UTRN: variants seen among roughly 807,000 people sequenced by gnomAD.
UTRN encodes the protein dystrophin-related protein 1.
In UTRN, 283 loss-of-function variants were observed where a neutral mutation model predicts 463.9. The observed-to-expected ratio is 0.61, with a 90% CI of 0.55 to 0.67. The LOEUF (loss-of-function observed/expected upper bound fraction) is 0.67, where lower values mean the gene tolerates loss of function less well. Among genes scored for constraint, UTRN ranks in the 30% least tolerant of loss-of-function variants. The pLI is 0.00. For synonymous variants in UTRN, 1,442 were observed against 1,431.5 expected (o/e 1.01, Z -0.17); for missense variants, 3,922 against 4,084.3 (o/e 0.96, Z 1.08).
At chr6:144,778,597 G>A (rs566276242) in intron 60 of UTRN, among the ~76,000 whole-genome samples, 38 of 150,030 alleles carry the variant, frequency 2.5e-4, no homozygotes, top group African/African-American at 9.4e-4. Context: ...GAGAAGATAG[G>A]GGAAATGCTA....
chr6:144,330,803 A>G, intron 2 of UTRN: 2 of 985,146 alleles, frequency 2.0e-6, no homozygotes, highest in Non-Finnish European at 2.4e-6. Flanking sequence ...GGAGGAACTC[A>G]TCTATCCACG....
At chr6:144,700,377 G>C in intron 53 of UTRN, 134 bp downstream of exon 53, 1 of 1,005,470 alleles carries the variant, frequency 9.9e-7, no homozygotes, top group Non-Finnish European at 1.4e-6. Flanking sequence ...TCTGCTTTTA[G>C]TTGCCAGTAG....
chr6:144,716,251 T>C (rs1786436799), intron 53 of UTRN, among the ~76,000 whole-genome samples: 3 of 151,418 alleles, frequency 2.0e-5, no homozygotes, highest in African/African-American at 7.3e-5. Context: ...TTTTTTTTTT[T>C]AGCTGTATGT....
intron 2 of UTRN, among the ~76,000 whole-genome samples, chr6:144,349,347 T>A (rs1027985286): frequency 1.3e-5 from 2 of 152,124 alleles, no homozygotes; most frequent in Non-Finnish European, 2.9e-5. Context: ...GCCCTCAAGA[T>A]CTGGGTTTCC....
In UTRN at chr6:144,445,351, C is replaced by CAAAAA. The variant is rs11419379; in HGVS notation, c.1614+983_1614+987dup. On this transcript the variant is annotated intron_variant, in intron 14 of 74. Coordinates refer to ENST00000367545, the MANE Select transcript of UTRN (RefSeq NM_007124.3). ...GGGAGACAAGAGCGAGACTCCCTCTCAAAAAAAAAAAAAAAAAAGCAAATA... is the reference window on the plus strand; with the variant it reads ...GGGAGACAAGAGCGAGACTCCCTCTCAAAAAAAAAAAAAAAAAAAAAAAGCAAATA... 1.7e-4 allele frequency among the ~76,000 whole-genome samples: 18 copies of CAAAAA among 106,490 alleles called. 1 individual carries two copies. The highest frequency in any genetic ancestry group is 5.0e-3 in the Middle Eastern group (1 of 200). The allele number at this position is 106,490 out of a possible 152,430, so 69.9% of individuals were successfully genotyped here.
intron 51 of UTRN, among the ~76,000 whole-genome samples, chr6:144,621,739 G>C (rs1775401921): frequency 6.6e-6 from 1 of 152,080 alleles, no homozygotes; most frequent in South Asian, 2.1e-4. Flanking sequence ...CTTTTACCTT[G>C]CATATGAGAC....
At chr6:144,513,830 G>A (rs1585077975) in intron 35 of UTRN, 79 bp from the exon 36 acceptor site, 2 of 1,497,258 alleles carry the variant, frequency 1.3e-6, no homozygotes, top group East Asian at 4.8e-5. Flanking sequence ...GCTCTTTGAA[G>A]GTCTTTTAAA....
intron 52 of UTRN, among the ~76,000 whole-genome samples, chr6:144,690,902 C>A (rs2128692277): frequency 6.6e-6 from 1 of 152,290 alleles, no homozygotes; most frequent in South Asian, 2.1e-4. Context: ...ATATACACTG[C>A]AGCCTGCTGC....
intron 71 of UTRN, chr6:144,838,946 A>G: frequency 2.3e-6 from 1 of 429,888 alleles, no homozygotes; most frequent in Non-Finnish European, 4.1e-6. Context: ...GTGTTGATAA[A>G]TGAGTCTGGC....
At chr6:144,758,999 C>A (rs1431431252) in intron 58 of UTRN, among the ~76,000 whole-genome samples, 2 of 152,036 alleles carry the variant, frequency 1.3e-5, no homozygotes, top group Non-Finnish European at 2.9e-5. Context: ...AGTATACTTC[C>A]TGAAAACGTT....
intron 51 of UTRN, among the ~76,000 whole-genome samples, chr6:144,599,214 G>GATTT: frequency 6.6e-6 from 1 of 152,168 alleles, no homozygotes; most frequent in East Asian, 1.9e-4. Context: ...ATATATACCT[G>GATTT]ATTTAGTACA....
chr6:144,660,272 A>G (rs1562722680), intron 51 of UTRN: 1 of 471,176 alleles, frequency 2.1e-6, no homozygotes, highest in Admixed American at 2.3e-5. Context: ...CAAAATTTGA[A>G]AAGGTATGCA....
intron 66 of UTRN, among the ~76,000 whole-genome samples, chr6:144,827,066 G>T (rs1323893813): frequency 6.6e-6 from 1 of 151,978 alleles, no homozygotes; most frequent in Non-Finnish European, 1.5e-5. Flanking sequence ...GAGCATTCTG[G>T]TTTTTTCCCC....
At chr6:144,565,830 T>C (rs1394360727) in intron 50 of UTRN, among the ~76,000 whole-genome samples, 1 of 152,122 alleles carries the variant, frequency 6.6e-6, no homozygotes, top group Non-Finnish European at 1.5e-5. Context: ...AAACAGTTTG[T>C]GGAAACAACT....
intron 46 of UTRN, among the ~76,000 whole-genome samples, chr6:144,547,779 AT>A (rs1391295478): frequency 1.3e-5 from 2 of 152,196 alleles, no homozygotes; most frequent in East Asian, 1.9e-4. Context: ...CTATCAAAAA[AT>A]AATTTGACTG....
intron 2 of UTRN, among the ~76,000 whole-genome samples, chr6:144,362,811 C>T (rs909403522): frequency 4.6e-5 from 7 of 152,160 alleles, no homozygotes; most frequent in African/African-American, 1.7e-4. Flanking sequence ...CAACATCTGA[C>T]CTATGAGGCT....
In UTRN at chr6:144,580,246, G is replaced by GCTGGTGGTA. The variant is rs1357496512; in HGVS notation, c.7479+2959_7479+2960insTGGTGGTAC. On this transcript the variant is annotated intron_variant, in intron 51 of 74. Transcript: ENST00000367545. The stretch of plus-strand genomic sequence containing the variant: ...CAGTGGTGGTGGTGGTGCTGGTGGT[G>GCTGGTGGTA]CACAGTCTTTGTGCACTAAGGAAGA... Among the ~76,000 whole-genome samples, 20 of 152,116 alleles carry GCTGGTGGTA rather than the reference G, an allele frequency of 1.3e-4. No homozygotes were observed. In the East Asian group the frequency reaches 3.5e-3, roughly 26 times the overall value.
At chr6:144,673,953 G>A (rs116322849) in intron 51 of UTRN, among the ~76,000 whole-genome samples, 256 of 152,132 alleles carry the variant, frequency 1.7e-3, no homozygotes, top group African/African-American at 6.0e-3. Context: ...TTTTGTTTAG[G>A]GAGGCTAACA....
chr6:144,466,570 C>A (rs1789984003), intron 23 of UTRN, among the ~76,000 whole-genome samples: 1 of 152,062 alleles, frequency 6.6e-6, no homozygotes, highest in Non-Finnish European at 1.5e-5. Flanking sequence ...ACTACTATAC[C>A]CCTTCCAGGT....
Sources: allele counts gnomAD v4.1 joint callset (sites outside exome capture counted in the v4.1 genomes callset), GRCh38; gene constraint gnomAD v4.1.1; transcripts MANE v1.5; gene names NCBI Gene and HGNC (gene_info 2026-07-23, HGNC 2026-07-21).